The following CACNA1C variants were observed in gnomAD, a reference collection of about 807,000 sequenced individuals.
CACNA1C encodes calcium voltage-gated channel subunit alpha1 C.
In CACNA1C, 30 loss-of-function variants were observed where a neutral mutation model predicts 229.0. The observed-to-expected ratio is 0.13, with a 90% CI of 0.10 to 0.18. The LOEUF is 0.18. Among genes scored for constraint, CACNA1C ranks in the 10% least tolerant of loss-of-function variants. The pLI, the probability that CACNA1C is intolerant of heterozygous loss-of-function variation, is 1.00. For missense variants in CACNA1C, 1,658 were observed against 2,845.0 expected (o/e 0.58, Z 9.49); for synonymous variants, 1,114 against 1,132.5 (o/e 0.98, Z 0.33).
chr12:2,128,446 T>C (rs1466603115), intron 3 of CACNA1C, among the ~76,000 whole-genome samples: 10 of 152,232 alleles, frequency 6.6e-5, no homozygotes, highest in African/African-American at 2.4e-4. Context: ...AGTCTCTCTC[T>C]GTCGCCCAGG....
intron 3 of CACNA1C, among the ~76,000 whole-genome samples, chr12:2,363,975 G>A (rs1212316129): frequency 6.6e-6 from 1 of 152,166 alleles, no homozygotes; most frequent in African/African-American, 2.4e-5. Flanking sequence ...TCATCCCCTC[G>A]TGCCTGGTGA....
chr12:2,041,927 A>AAAAAGTCTGT (rs1223216141), intron 1 of CACNA1C, among the ~76,000 whole-genome samples: 1 of 152,204 alleles, frequency 6.6e-6, no homozygotes, highest in Non-Finnish European at 1.5e-5. Context: ...AAGAGTTGTG[A>AAAAAGTCTGT]AAAAGTCTGT....
At chr12:2,600,878 G>A (rs1379864372) in intron 21 of CACNA1C, among the ~76,000 whole-genome samples, 1 of 152,206 alleles carries the variant, frequency 6.6e-6, no homozygotes, top group African/African-American at 2.4e-5. Context: ...GGCTCACCGT[G>A]TGCAGGGTGG....
intron 3 of CACNA1C, among the ~76,000 whole-genome samples, chr12:2,179,721 G>A (rs1476316786): frequency 6.6e-6 from 1 of 152,192 alleles, no homozygotes; most frequent in Admixed American, 6.5e-5. Context: ...AGAGTAGCTC[G>A]AAAAAGAACA....
chr12:2,072,449 C>T (rs2061705797), intron 1 of CACNA1C, among the ~76,000 whole-genome samples: 1 of 152,114 alleles, frequency 6.6e-6, no homozygotes, highest in South Asian at 2.1e-4. Flanking sequence ...ATCCGCCCGC[C>T]TCGGCCTCCC....
chr12:2,530,293 G>A (rs1040910990), intron 9 of CACNA1C, among the ~76,000 whole-genome samples: 1 of 152,204 alleles, frequency 6.6e-6, no homozygotes, highest in African/African-American at 2.4e-5. Context: ...TTGCTCTGGC[G>A]ATGGAAGGGG....
In CACNA1C at chr12:2,651,243, G is replaced by A; in HGVS notation, c.3946-397G>A. ...GTCTGCCCAGACAAACGGGAGACAG[G>A]CTAGGACTGCTTCCTCAGCAGTGCA... On this transcript the variant is annotated intron_variant, in intron 31 of 46. Transcript: ENST00000399655. This position sits in a 1 kb window ranked among gnomAD's most constrained non-coding sequence, Gnocchi z 5.4. 1 of 257,622 alleles carries A rather than the reference G, an allele frequency of 3.9e-6. No individual in the cohort carries two copies. Among genetic ancestry groups the A allele is most frequent in the Non-Finnish European group, 7.4e-6 (1 of 135,122 alleles). 16.0% of individuals were successfully genotyped at this position (257,622 alleles called of 1,614,324 possible). A position where few individuals can be genotyped will look rare whatever the true frequency, so the allele number is the denominator to read the frequency against.
Position 2,181,213 on chromosome 12 carries a change from C to T in CACNA1C, c.477+60783C>T, listed in dbSNP as rs2096832084. Among the ~76,000 whole-genome samples, 1 of 152,142 alleles carries T rather than the reference C, an allele frequency of 6.6e-6. No individual in the cohort carries two copies. Among genetic ancestry groups the T allele is most frequent in the African/African-American group, 2.4e-5 (1 of 41,426 alleles). ...TACTACCTCTGTTATTTCCTGTAGC[C>T]AACTGACATCTTTGCACCTCTGTTT... On this transcript the variant is annotated intron_variant, in intron 3 of 46. Coordinates refer to ENST00000399655, the MANE Select transcript of CACNA1C (RefSeq NM_000719.7). The surrounding 1 kb of genome is among the most constrained non-coding windows in gnomAD (Gnocchi z 4.0).
rs2098800273 is a variant in CACNA1C at position 2,410,892 on chromosome 12, G to T, written c.478-38084G>T. Among the ~76,000 whole-genome samples the T allele has an allele frequency of 6.8e-6, 1 of 146,720 alleles. No individual in the cohort carries two copies. The highest frequency in any genetic ancestry group is 2.7e-5 in the African/African-American group (1 of 36,652). ...TTCCTATCCTTCCCTTCTCCTGGCT[G>T]CCCTATCCTTCCCTTCTCCTGGCTG... On this transcript the variant is annotated intron_variant, in intron 3 of 46. Transcript: ENST00000399655. This position sits in a 1 kb window ranked among gnomAD's most constrained non-coding sequence, Gnocchi z 5.3.
In CACNA1C at chr12:2,677,811, C is replaced by T. The variant is rs2096899981; in HGVS notation, c.5035C>T (p.Leu1679=). The T allele has an allele frequency of 6.2e-7, 1 of 1,614,030 alleles. No individual in the cohort carries two copies. The highest frequency in any genetic ancestry group is 1.3e-5 in the African/African-American group (1 of 75,066). Residue 1679 remains leucine, a synonymous_variant, in exon 41 of 47, where the codon CTG becomes TTG. Transcript: ENST00000399655. The surrounding 1 kb of genome is among the most constrained non-coding windows in gnomAD (Gnocchi z 7.4). Reference sequence around the variant, plus strand: ...TGGAGATCTCACCGCTGAGGAGGAGCTGGACAAGGCCATGAAGGAGGCTGT... The same window carrying T: ...TGGAGATCTCACCGCTGAGGAGGAGTTGGACAAGGCCATGAAGGAGGCTGT... ...ISGDLTAEEE[L]DKAMKEAVSA...
chr12:1,997,526 C>CA (rs1002504851), intron 1 of CACNA1C, among the ~76,000 whole-genome samples: 22 of 151,372 alleles, frequency 1.5e-4, no homozygotes, highest in African/African-American at 4.9e-4. Flanking sequence ...GACTCCATCT[C>CA]AAAAAAAAGA....
intron 3 of CACNA1C, among the ~76,000 whole-genome samples, chr12:2,198,783 C>A (rs1214784637): frequency 2.0e-5 from 3 of 152,044 alleles, no homozygotes. Context: ...CTGTGGCCGG[C>A]CCTCATTCCC....
upstream of CACNA1C, among the ~76,000 whole-genome samples, chr12:2,051,280 T>C (rs190566763): frequency 2.8e-3 from 426 of 152,034 alleles, 2 homozygotes; most frequent in Middle Eastern, 0.017. Flanking sequence ...ATTCCTGGAG[T>C]GTCTGGGGCC....
Position 2,585,881 on chromosome 12 carries a change from C to T in CACNA1C, c.2507C>T (p.Pro836Leu), listed in dbSNP as rs765744858. 1 of 1,604,606 alleles carries T rather than the reference C, an allele frequency of 6.2e-7. No homozygotes were observed. The highest frequency in any genetic ancestry group is 8.5e-7 in the Non-Finnish European group (1 of 1,175,250). The change falls in exon 18 of 47, where the codon CCC becomes CTC. Residue 836 changes from proline to leucine, a missense_variant. Physicochemically the swap from Pro to Leu is moderately conservative, Grantham distance 98 (BLOSUM62 -3). Transcript: ENST00000399655. This position sits in a 1 kb window ranked among gnomAD's most constrained non-coding sequence, Gnocchi z 4.1. ...CCCAATGAAAATGAGGATAAGAGCC[C>T]CTACCCCAACCCAGAAACTACAGGT... The part of the protein sequence containing the change: ...LQPNENEDKS[P>L]YPNPETTGEE...
intron 15 of CACNA1C, among the ~76,000 whole-genome samples, chr12:2,583,305 C>G (rs1173586580): frequency 6.6e-6 from 1 of 152,206 alleles, no homozygotes; most frequent in African/African-American, 2.4e-5. Flanking sequence ...AGAGGCGGGA[C>G]GCTCCGGGAG....
chr12:2,419,492 G>A (rs1440647489), intron 3 of CACNA1C, among the ~76,000 whole-genome samples: 3 of 152,044 alleles, frequency 2.0e-5, no homozygotes, highest in African/African-American at 7.3e-5. Flanking sequence ...GAGATTTGAG[G>A]GACAGATATC....
intron 8 of CACNA1C, among the ~76,000 whole-genome samples, chr12:2,508,938 TA>T (rs1277326096): frequency 6.6e-6 from 1 of 152,202 alleles, no homozygotes; most frequent in Non-Finnish European, 1.5e-5. Flanking sequence ...TCGACTAGAA[TA>T]AAGACAACGG....
intron 3 of CACNA1C, among the ~76,000 whole-genome samples, chr12:2,173,952 G>C (rs2096569958): frequency 6.6e-6 from 1 of 151,986 alleles, no homozygotes; most frequent in Non-Finnish European, 1.5e-5. Flanking sequence ...CCTTTTAAGG[G>C]CCTGGAATTT....
intron 3 of CACNA1C, among the ~76,000 whole-genome samples, chr12:2,192,045 CACACACATACACACTCAGGCACAG>C (rs1302669568): frequency 1.1e-4 from 17 of 152,228 alleles, no homozygotes; most frequent in African/African-American, 4.1e-4. Flanking sequence ...CACATACAGG[CACACACATACACACTCAGGCACAG>C]ACACACACAC....
Sources: gnomAD v4.1 joint callset for allele counts (sites outside exome capture counted in the v4.1 genomes callset) on GRCh38, gnomAD v4.1.1 for gene constraint, Gnocchi (gnomAD v3.1) non-coding constraint, MANE v1.5 for transcripts, NCBI Gene and HGNC (gene_info 2026-07-23, HGNC 2026-07-21) for gene names.